Variants in CSMD1 observed in about 807,000 individuals in gnomAD.
CSMD1 encodes the protein CUB and Sushi multiple domains 1.
CSMD1 carries 213 observed loss-of-function variants against 417.5 expected under a neutral mutation model. The ratio of observed to expected loss-of-function variants is 0.51; its 90% CI spans 0.46 to 0.57. The LOEUF (loss-of-function observed/expected upper bound fraction) is 0.57. Among genes scored for constraint, CSMD1 ranks in the 20% least tolerant of loss-of-function variants. The pLI is 0.00. For synonymous variants in CSMD1, 2,862 were observed against 1,736.8 expected, an observed-to-expected ratio of 1.65 and a Z score of -16.11; for missense variants, 6,923 against 4,529.7, an observed-to-expected ratio of 1.53 and a Z score of -15.17.
chr8:4,825,510 C>T (rs572437999), intron 1 of CSMD1, among the ~76,000 whole-genome samples: 4 of 152,078 alleles, frequency 2.6e-5, no homozygotes, highest in Non-Finnish European at 5.9e-5. Flanking sequence ...TTTTCCTTCC[C>T]CTGGCCCCTG....
In CSMD1 at chr8:4,412,221, G is replaced by C. The variant is rs567233910; in HGVS notation, c.415+7732C>G. The stretch of plus-strand genomic sequence containing the variant: ...TGTTAAATTGTAACCCCCAGTATTG[G>C]AGGTAGGGCCTGGTAGGAGGTGACT... On this transcript the variant is annotated intron_variant, in intron 3 of 69. Transcript: ENST00000635120. Among the ~76,000 whole-genome samples, 8 of 152,232 alleles carry C rather than the reference G, an allele frequency of 5.3e-5. No individual in the cohort carries two copies. The South Asian group carries it at 8.3e-4, about 16-fold the overall frequency.
Position 3,668,628 on chromosome 8 carries a change from G to T in CSMD1, c.1009+39786C>A, listed in dbSNP as rs1434254140. Among the ~76,000 whole-genome samples the T allele has an allele frequency of 3.3e-5, 5 of 152,188 alleles. No homozygotes were observed. In the East Asian group the frequency reaches 9.7e-4, roughly 29 times the overall value. The stretch of plus-strand genomic sequence containing the variant: ...AGACGAAGCCCTGGGGAGAAGAGAC[G>T]ATCCTGAACAGAGTGTGCAATATAG... On this transcript the variant is annotated intron_variant, in intron 7 of 69. Transcript: ENST00000635120.
At chr8:3,857,362 G>C (rs1052160035) in intron 5 of CSMD1, among the ~76,000 whole-genome samples, 1 of 152,118 alleles carries the variant, frequency 6.6e-6, no homozygotes, top group Non-Finnish European at 1.5e-5. Context: ...CACAAACAAA[G>C]CTCCTAAGAT....
intron 10 of CSMD1, among the ~76,000 whole-genome samples, chr8:3,533,935 T>C (rs1798084261): frequency 6.6e-6 from 1 of 152,194 alleles, no homozygotes; most frequent in Non-Finnish European, 1.5e-5. Flanking sequence ...ACCAATCACA[T>C]GAACTCTCTA....
At chr8:3,248,806 T>C (rs1185719782) in intron 26 of CSMD1, among the ~76,000 whole-genome samples, 1 of 152,146 alleles carries the variant, frequency 6.6e-6, no homozygotes, top group East Asian at 1.9e-4. Context: ...CCTATTCTCT[T>C]GTTCACTTGG....
rs372421824 is a variant in CSMD1 at position 3,824,080 on chromosome 8, CA to C, written c.819-70039del. The stretch of plus-strand genomic sequence containing the variant: ...CTTCATCCTGGTGATTTGTAGAAAA[CA>C]AAAATGTCACAGTGAAATTAGTCTC... On this transcript the variant is annotated intron_variant, in intron 5 of 69. Transcript: ENST00000635120. Among the ~76,000 whole-genome samples the C allele has an allele frequency of 2.5e-3, 382 of 152,140 alleles. 1 individual carries two copies. Among genetic ancestry groups the C allele is most frequent in the African/African-American group, 8.8e-3 (364 of 41,508 alleles).
At chr8:4,691,463 T>C (rs936231797) in intron 1 of CSMD1, among the ~76,000 whole-genome samples, 1 of 152,218 alleles carries the variant, frequency 6.6e-6, no homozygotes, top group African/African-American at 2.4e-5. Flanking sequence ...AATTTTATCA[T>C]TGATGGAACT....
chr8:4,427,515 GCA>G (rs1797632579), intron 2 of CSMD1, among the ~76,000 whole-genome samples: 4 of 148,628 alleles, frequency 2.7e-5, no homozygotes, highest in African/African-American at 1.0e-4. Context: ...ACACACACAT[GCA>G]CACTCAAACA....
intron 41 of CSMD1, chr8:3,127,867 A>C (rs1817587938): frequency 7.1e-6 from 1 of 140,960 alleles, no homozygotes; most frequent in Non-Finnish European, 1.5e-5. Context: ...GAAAGGAGGG[A>C]GGGAAGGAAT....
intron 52 of CSMD1, among the ~76,000 whole-genome samples, chr8:3,014,221 A>T (rs1808650026): frequency 1.3e-5 from 2 of 151,962 alleles, no homozygotes; most frequent in South Asian, 4.1e-4. Context: ...TCTGAATAGT[A>T]CTTATGAATA....
intron 2 of CSMD1, among the ~76,000 whole-genome samples, chr8:4,473,103 G>C (rs965629065): frequency 1.3e-5 from 2 of 151,918 alleles, no homozygotes; most frequent in Admixed American, 6.6e-5. Context: ...TTCTCTACTT[G>C]TGTTTGAATT....
chr8:4,554,731 G>C (rs1288208874), intron 2 of CSMD1, among the ~76,000 whole-genome samples: 1 of 152,192 alleles, frequency 6.6e-6, no homozygotes. Context: ...TACTATTGTA[G>C]TGATGTATTC....
At chr8:4,670,079 GC>G (rs1805199739) in intron 1 of CSMD1, among the ~76,000 whole-genome samples, 2 of 152,260 alleles carry the variant, frequency 1.3e-5, no homozygotes, top group South Asian at 4.2e-4. Flanking sequence ...CTGGTTTGGT[GC>G]CCCCACGTCC....
chr8:4,396,460 A>G (rs1002989674), intron 3 of CSMD1, among the ~76,000 whole-genome samples: 4 of 152,274 alleles, frequency 2.6e-5, no homozygotes, highest in Middle Eastern at 3.4e-3. Context: ...ACAGAGTGAC[A>G]GCCAGTCTCA....
At chr8:3,756,516 T>A (rs1797668048) in intron 5 of CSMD1, among the ~76,000 whole-genome samples, 1 of 152,144 alleles carries the variant, frequency 6.6e-6, no homozygotes, top group Non-Finnish European at 1.5e-5. Context: ...CAAGCCTACC[T>A]TTTCCACATC....
At chr8:4,389,296 G>C (rs997142593) in intron 3 of CSMD1, among the ~76,000 whole-genome samples, 1 of 152,064 alleles carries the variant, frequency 6.6e-6, no homozygotes, top group Non-Finnish European at 1.5e-5. Context: ...TAGAAAATGC[G>C]ATCATATAAC....
chr8:4,238,880 G>A (rs886886964), intron 3 of CSMD1, among the ~76,000 whole-genome samples: 2 of 152,026 alleles, frequency 1.3e-5, no homozygotes. Context: ...AATTTTTTTA[G>A]CAAATGCTTT....
chr8:3,901,079 T>A (rs1260676589), intron 5 of CSMD1, among the ~76,000 whole-genome samples: 2 of 152,208 alleles, frequency 1.3e-5, no homozygotes, highest in Non-Finnish European at 2.9e-5. Context: ...AGAAATAATT[T>A]ATAACCTGGA....
rs552977845 is a variant in CSMD1 at position 4,119,754 on chromosome 8, T to A, written c.416-87655A>T. Among the ~76,000 whole-genome samples the A allele has an allele frequency of 3.3e-5, 5 of 152,246 alleles. No homozygotes were observed. In the East Asian group the frequency reaches 7.7e-4, roughly 24 times the overall value. On this transcript the variant is annotated intron_variant, in intron 3 of 69. Coordinates refer to ENST00000635120, the MANE Select transcript of CSMD1 (RefSeq NM_033225.6). ...GCCTCCAAACAGTGGGAAATGAACATCCATGGCATTTTGCTACAGCAGCCT... is the reference window on the plus strand; with the variant it reads ...GCCTCCAAACAGTGGGAAATGAACAACCATGGCATTTTGCTACAGCAGCCT...
Sources: allele counts gnomAD v4.1 joint callset (sites outside exome capture counted in the v4.1 genomes callset), GRCh38; gene constraint gnomAD v4.1.1; transcripts MANE v1.5; gene names NCBI Gene and HGNC (gene_info 2026-07-23, HGNC 2026-07-21).